Variants in DSCAM observed in about 807,000 individuals in gnomAD.
DSCAM encodes the protein cell adhesion molecule DSCAM.
DSCAM carries 47 observed loss-of-function variants against 217.7 expected under a neutral mutation model. The ratio of observed to expected loss-of-function variants is 0.22; its 90% CI spans 0.17 to 0.28. DSCAM has a LOEUF of 0.28. Among genes scored for constraint, DSCAM ranks in the 10% least tolerant of loss-of-function variants. DSCAM has a pLI of 1.00. For missense variants in DSCAM, 2,080 were observed against 2,618.3 expected, an observed-to-expected ratio of 0.79 and a Z score of 4.49; for synonymous variants, 1,056 against 1,015.3, an observed-to-expected ratio of 1.04 and a Z score of -0.76.
At chr21:40,449,602 C>A (rs2075702982) in intron 3 of DSCAM, among the ~76,000 whole-genome samples, 1 of 152,174 alleles carries the variant, frequency 6.6e-6, no homozygotes, top group Admixed American at 6.5e-5. Flanking sequence ...ATATTCTAAA[C>A]AGTAATCAAG....
At chr21:40,368,845 C>T (rs1352833929) in intron 4 of DSCAM, among the ~76,000 whole-genome samples, 1 of 152,212 alleles carries the variant, frequency 6.6e-6, no homozygotes, top group Non-Finnish European at 1.5e-5. Flanking sequence ...TCTTTCACTC[C>T]TAATGTGCTC....
chr21:40,397,767 C>G (rs993100817), intron 3 of DSCAM, among the ~76,000 whole-genome samples: 1 of 151,998 alleles, frequency 6.6e-6, no homozygotes, highest in African/African-American at 2.4e-5. Flanking sequence ...GCTACTATCA[C>G]TAATACTACC....
intron 2 of DSCAM, among the ~76,000 whole-genome samples, chr21:40,707,194 T>C (rs1411816750): frequency 6.6e-6 from 1 of 152,218 alleles, no homozygotes; most frequent in Non-Finnish European, 1.5e-5. Flanking sequence ...CTATAAGTGG[T>C]GTTTTGCAGA....
rs1402924367 is a variant in DSCAM at position 40,133,956 on chromosome 21, C to T, written c.3460G>A (p.Gly1154Arg). ...CTGTAGTTGGTGTACTTTTCCAGCC[C>T]GTCCAGCTCCAGTGAAGGCTGTGTG... Reference protein sequence around the residue: ...TTTQPSLELDGLEKYTNYSIQ... With the variant: ...TTTQPSLELDRLEKYTNYSIQ... The change falls in exon 19 of 33, where the codon GGG becomes AGG. Residue 1154 changes from glycine to arginine, a missense_variant. By Grantham distance (125) the Gly-to-Arg change is moderately radical. This residue lies in a region of DSCAM where 1,144 missense variants were observed against 1,421.1 expected (regional missense o/e 0.81). Coordinates refer to ENST00000400454, the MANE Select transcript of DSCAM (RefSeq NM_001389.5). The T allele has an allele frequency of 8.1e-6, 13 of 1,613,534 alleles. No homozygotes were observed. Among genetic ancestry groups the T allele is most frequent in the South Asian group, 4.4e-5 (4 of 91,010 alleles).
At chr21:40,223,185 C>T (rs879300350) in intron 11 of DSCAM, among the ~76,000 whole-genome samples, 17 of 152,166 alleles carry the variant, frequency 1.1e-4, no homozygotes, top group South Asian at 6.2e-4. Flanking sequence ...ATTGGAGTTG[C>T]CTCCTGAGAC....
Position 40,338,366 on chromosome 21 carries a change from G to A in DSCAM, c.1518C>T (p.Ser506=). The change falls in exon 8 of 33, where the codon AGC becomes AGT. Residue 506 remains serine (S), a synonymous_variant. Transcript: ENST00000400454. ...CTGTGATGTTTTTCATTGGTCGAAT[G>A]CTTGCAGGCCCTGGAGAGACACAAA... ...QARINVRGPA[S]IRPMKNITAI... 1.2e-6 allele frequency: 2 copies of A among 1,612,908 alleles called. No individual in the cohort carries two copies. Among genetic ancestry groups the A allele is most frequent in the Non-Finnish European group, 1.7e-6 (2 of 1,178,910 alleles).
At chr21:40,426,820 G>T (rs916246300) in intron 3 of DSCAM, among the ~76,000 whole-genome samples, 2 of 152,094 alleles carry the variant, frequency 1.3e-5, no homozygotes, top group African/African-American at 4.8e-5. Context: ...AGCACACACA[G>T]GACAATGTCC....
chr21:40,366,346 A>G lies in DSCAM; in HGVS notation c.655+2753T>C, dbSNP rs372976964. 2.8e-3 allele frequency among the ~76,000 whole-genome samples: 424 copies of G among 151,996 alleles called. 1 individual carries two copies. The highest frequency in any genetic ancestry group is 4.2e-3 in the Non-Finnish European group (288 of 67,946). On this transcript the variant is annotated intron_variant, in intron 4 of 32. Transcript: ENST00000400454. ...TTAACTCTATTTGTCTTATTCCTTA[A>G]TATTTTTGATTTCCCATATTATGCT...
intron 3 of DSCAM, among the ~76,000 whole-genome samples, chr21:40,401,617 C>A (rs911541844): frequency 1.3e-5 from 2 of 152,160 alleles, no homozygotes; most frequent in African/African-American, 4.8e-5. Context: ...GACCATCAAG[C>A]GTGCAGGGAC....
intron 3 of DSCAM, among the ~76,000 whole-genome samples, chr21:40,601,954 C>G (rs911294251): frequency 2.0e-5 from 3 of 150,770 alleles, no homozygotes; most frequent in African/African-American, 7.3e-5. Context: ...TTCATTAGAG[C>G]TATTGATCTG....
At chr21:40,194,882 G>C (rs8127634) in intron 11 of DSCAM, among the ~76,000 whole-genome samples, 1 of 151,820 alleles carries the variant, frequency 6.6e-6, no homozygotes, top group East Asian at 1.9e-4. Context: ...TGAAATTGGC[G>C]AGTGCTAGAA....
chr21:40,327,603 G>A (rs963108214), intron 8 of DSCAM, among the ~76,000 whole-genome samples: 17 of 151,800 alleles, frequency 1.1e-4, no homozygotes, highest in Non-Finnish European at 2.5e-4. Flanking sequence ...AGTGGCAAGA[G>A]TGTGCATCTT....
At chr21:40,204,170 GATTA>G (rs2091099466) in intron 11 of DSCAM, among the ~76,000 whole-genome samples, 3 of 152,210 alleles carry the variant, frequency 2.0e-5, no homozygotes, top group Admixed American at 2.0e-4. Context: ...TGCTGCTACA[GATTA>G]ATTGTAGGGC....
Position 40,578,716 on chromosome 21 carries a change from C to T in DSCAM, c.508+114094G>A, listed in dbSNP as rs539935355. 7.3e-4 allele frequency among the ~76,000 whole-genome samples: 111 copies of T among 152,266 alleles called. 1 individual carries two copies. The highest frequency in any genetic ancestry group is 2.4e-3 in the African/African-American group (98 of 41,542). ...CTGTAACACTCACTGTGAGGGTCTG[C>T]GGCTTCACTCCTGAAGTCAGCGAGA... On this transcript the variant is annotated intron_variant, in intron 3 of 32. Transcript: ENST00000400454.
At chr21:40,317,297 A>G (rs1358960901) in intron 8 of DSCAM, among the ~76,000 whole-genome samples, 1 of 152,202 alleles carries the variant, frequency 6.6e-6, no homozygotes, top group African/African-American at 2.4e-5. Flanking sequence ...CCAGTCTGAT[A>G]CAGTTCTCCA....
At chr21:40,801,431 C>T (rs1285841679) in intron 1 of DSCAM, among the ~76,000 whole-genome samples, 3 of 152,152 alleles carry the variant, frequency 2.0e-5, no homozygotes, top group Non-Finnish European at 4.4e-5. Context: ...ATTTGCTAAA[C>T]ATATTAGTAT....
intron 3 of DSCAM, among the ~76,000 whole-genome samples, chr21:40,508,559 T>C (rs561438241): frequency 4.0e-5 from 6 of 151,528 alleles, no homozygotes; most frequent in Non-Finnish European, 8.8e-5. Context: ...AGTATTGCTG[T>C]TGTTGTTATC....
At chr21:40,495,887 T>A (rs963341221) in intron 3 of DSCAM, among the ~76,000 whole-genome samples, 1 of 152,042 alleles carries the variant, frequency 6.6e-6, no homozygotes, top group South Asian at 2.1e-4. Context: ...ACTCTAACAA[T>A]GAACTATCCA....
chr21:40,479,514 C>G (rs2075964281), intron 3 of DSCAM, among the ~76,000 whole-genome samples: 1 of 152,130 alleles, frequency 6.6e-6, no homozygotes, highest in Non-Finnish European at 1.5e-5. Flanking sequence ...CTGGGGAGGC[C>G]TCACAATCAT....
Sources: gnomAD v4.1 joint callset for allele counts (sites outside exome capture counted in the v4.1 genomes callset) on GRCh38, gnomAD v4.1.1 for gene constraint, gnomAD v4.1.1 regional missense constraint, MANE v1.5 for transcripts, NCBI Gene and HGNC (gene_info 2026-07-23, HGNC 2026-07-21) for gene names.